PPFIA2: variants seen among roughly 807,000 people sequenced by gnomAD.
PPFIA2 encodes the protein PPFI scaffold protein A2.
PPFIA2 carries 46 observed loss-of-function variants against 175.5 expected under a neutral mutation model. The observed-to-expected ratio is 0.26, with a 90% confidence interval of 0.21 to 0.34. The LOEUF (loss-of-function observed/expected upper bound fraction) is 0.34, where lower values mean the gene tolerates loss of function less well. PPFIA2 is among the 10% of genes least tolerant of loss of function. PPFIA2 has a pLI of 1.00. For synonymous variants in PPFIA2, 568 were observed against 511.4 expected (o/e 1.11, Z -1.49); for missense variants, 1,179 against 1,506.1 (o/e 0.78, Z 3.60).
intron 21 of PPFIA2, among the ~76,000 whole-genome samples, chr12:81,331,602 T>C (rs2140036540): frequency 6.6e-6 from 1 of 152,314 alleles, no homozygotes; most frequent in Admixed American, 6.5e-5. Context: ...CAAAAAAAGC[T>C]CTTTAAATGT....
intron 23 of PPFIA2, among the ~76,000 whole-genome samples, chr12:81,296,115 G>A (rs1489349833): frequency 6.6e-6 from 1 of 152,094 alleles, no homozygotes; most frequent in African/African-American, 2.4e-5. Flanking sequence ...AGACCAGCCT[G>A]GGCAACATGG....
chr12:81,381,610 T>C (rs1481965947), intron 9 of PPFIA2, among the ~76,000 whole-genome samples: 1 of 152,138 alleles, frequency 6.6e-6, no homozygotes. Context: ...TCCTAGTAAT[T>C]CCTTAACAGT....
chr12:81,515,364 C>CTCTGGTTTATA (rs2062296057), intron 4 of PPFIA2, among the ~76,000 whole-genome samples: 1 of 151,904 alleles, frequency 6.6e-6, no homozygotes, highest in African/African-American at 2.4e-5. Flanking sequence ...TGTAAACACA[C>CTCTGGTTTATA]TCTGGTAAAT....
intron 4 of PPFIA2, among the ~76,000 whole-genome samples, chr12:81,664,785 C>T (rs2069768423): frequency 2.0e-5 from 3 of 152,076 alleles, no homozygotes; most frequent in African/African-American, 7.3e-5. Context: ...TTGGAACCAA[C>T]CCGAATGTCC....
intron 3 of PPFIA2, among the ~76,000 whole-genome samples, chr12:81,741,977 G>T (rs555430706): frequency 1.3e-5 from 2 of 152,274 alleles, no homozygotes; most frequent in Non-Finnish European, 2.9e-5. Flanking sequence ...AAAAGGTAAA[G>T]AAAGCAAGCC....
At chr12:81,325,028 G>A (rs540710930) in intron 22 of PPFIA2, among the ~76,000 whole-genome samples, 4 of 151,582 alleles carry the variant, frequency 2.6e-5, no homozygotes, top group Non-Finnish European at 5.9e-5. Context: ...TTCTTTCATA[G>A]GAAAGAAGGA....
At chr12:81,658,017 C>T (rs2068058743) in intron 4 of PPFIA2, among the ~76,000 whole-genome samples, 1 of 152,060 alleles carries the variant, frequency 6.6e-6, no homozygotes, top group Admixed American at 6.6e-5. Context: ...CACCTGTAAT[C>T]CCAGGGAGTG....
At chr12:81,687,734 A>C (rs1339763032) in intron 3 of PPFIA2, among the ~76,000 whole-genome samples, 1 of 152,018 alleles carries the variant, frequency 6.6e-6, no homozygotes, top group Non-Finnish European at 1.5e-5. Flanking sequence ...GTCCTAGTAC[A>C]CAAATTAGAA....
In PPFIA2 at chr12:81,380,642, G is replaced by A. The variant is rs571134897; in HGVS notation, c.984+3381C>T. 4.6e-5 allele frequency among the ~76,000 whole-genome samples: 7 copies of A among 152,178 alleles called. No individual in the cohort carries two copies. In the South Asian group the frequency reaches 1.5e-3, roughly 32 times the overall value. On this transcript the variant is annotated intron_variant, in intron 9 of 32. Coordinates refer to ENST00000549396, the MANE Select transcript of PPFIA2 (RefSeq NM_003625.5). Reference sequence around the variant, plus strand: ...TTATTTATTGTGCTGTGTTGATTTTGGAAGCAGTTCATAGTGGAAGAAGCA... The same window carrying A: ...TTATTTATTGTGCTGTGTTGATTTTAGAAGCAGTTCATAGTGGAAGAAGCA...
chr12:81,347,240 A>T (rs2140589960), intron 18 of PPFIA2, among the ~76,000 whole-genome samples: 1 of 152,198 alleles, frequency 6.6e-6, no homozygotes, highest in East Asian at 1.9e-4. Flanking sequence ...GCTGTGAGCC[A>T]CTATGCCCAG....
chr12:81,515,514 C>A (rs374844558), intron 4 of PPFIA2, among the ~76,000 whole-genome samples: 17 of 151,988 alleles, frequency 1.1e-4, no homozygotes, highest in African/African-American at 4.1e-4. Flanking sequence ...ATTTCTCTTT[C>A]TGACTTGGGT....
intron 28 of PPFIA2, among the ~76,000 whole-genome samples, chr12:81,270,393 C>G (rs765642552): frequency 6.6e-6 from 1 of 152,060 alleles, no homozygotes; most frequent in Non-Finnish European, 1.5e-5. Flanking sequence ...CTTCCAGTAC[C>G]TAAGAATGTA....
At chr12:81,339,095 CAATGA>C in intron 21 of PPFIA2, 80 bp downstream of exon 21, 1 of 1,179,376 alleles carries the variant, frequency 8.5e-7, no homozygotes, top group Non-Finnish European at 1.1e-6. Context: ...AAAAGAAGAG[CAATGA>C]AATGAAATGA....
intron 8 of PPFIA2, among the ~76,000 whole-genome samples, chr12:81,402,620 G>A (rs1182993193): frequency 2.0e-5 from 3 of 152,130 alleles, no homozygotes; most frequent in Non-Finnish European, 4.4e-5. Context: ...TTGGGAGGCC[G>A]AGGTGGGCAG....
intron 7 of PPFIA2, among the ~76,000 whole-genome samples, chr12:81,416,705 C>T (rs2045338173): frequency 6.6e-6 from 1 of 151,684 alleles, no homozygotes; most frequent in Non-Finnish European, 1.5e-5. Context: ...GGGCTCTTTG[C>T]CCTCTAAAGT....
intron 3 of PPFIA2, among the ~76,000 whole-genome samples, chr12:81,677,704 T>C (rs965948670): frequency 1.3e-5 from 2 of 151,898 alleles, no homozygotes; most frequent in African/African-American, 4.8e-5. Flanking sequence ...TTTCTACACA[T>C]AGAGTATAAA....
intron 18 of PPFIA2, 144 bp from the exon 19 acceptor site, chr12:81,344,837 A>G: frequency 1.6e-6 from 1 of 608,344 alleles, no homozygotes. Context: ...ACATATTTTA[A>G]TTACTATAAA....
At chr12:81,268,569 T>A (rs2038126254) in intron 28 of PPFIA2, among the ~76,000 whole-genome samples, 1 of 152,250 alleles carries the variant, frequency 6.6e-6, no homozygotes, top group East Asian at 1.9e-4. Context: ...GTTTTAATAA[T>A]TAATCTTTTC....
At chr12:81,275,037 T>C (rs148768071) in intron 28 of PPFIA2, among the ~76,000 whole-genome samples, 334 of 152,330 alleles carry the variant, frequency 2.2e-3, no homozygotes, top group African/African-American at 7.6e-3. Context: ...TAAAATCTAA[T>C]TGGATAAAAA....
Sources: gnomAD v4.1 joint callset for allele counts (sites outside exome capture counted in the v4.1 genomes callset) on GRCh38, gnomAD v4.1.1 for gene constraint, MANE v1.5 for transcripts, NCBI Gene and HGNC (gene_info 2026-07-23, HGNC 2026-07-21) for gene names.